CNIH3: variants seen among roughly 807,000 people sequenced by gnomAD.
CNIH3 encodes protein cornichon homolog 3.
A neutral mutation model predicts 24.1 loss-of-function variants in CNIH3; 14 were observed. That is an observed-to-expected ratio of 0.58 (90% CI 0.38 to 0.91). The LOEUF is 0.91. Among genes scored for constraint, CNIH3 ranks in the 40% least tolerant of loss-of-function variants. The probability of loss-of-function intolerance (pLI) is 0.00; values close to 1 mark genes in which losing one functional copy is unlikely to be tolerated. For synonymous variants in CNIH3, 68 were observed against 73.8 expected, an observed-to-expected ratio of 0.92 and a Z score of 0.40; for missense variants, 178 against 196.8, an observed-to-expected ratio of 0.90 and a Z score of 0.57.
chr1:224,714,433 A>G (rs1398035296), intron 3 of CNIH3, among the ~76,000 whole-genome samples: 3 of 152,138 alleles, frequency 2.0e-5, no homozygotes, highest in Non-Finnish European at 4.4e-5. Context: ...CAGAGACGAG[A>G]TGTGTGCTGG....
rs1267920713 is a variant in CNIH3, at chr1:224,730,447, C to T, written c.199-15C>T. On this transcript the variant is annotated splice_polypyrimidine_tract_variant and intron_variant, in intron 3 of 5. Transcript: ENST00000272133. The stretch of plus-strand genomic sequence containing the variant: ...CCTCCTCTAACTCAGGGCCGTGTCT[C>T]TGCTCCCTCTTCAGCTGGTGCTGCC... The T allele has an allele frequency of 6.6e-7, 1 of 1,520,948 alleles. No individual in the cohort carries two copies. Among genetic ancestry groups the T allele is most frequent in the Non-Finnish European group, 8.9e-7 (1 of 1,118,734 alleles). The allele number at this position is 1,520,948 out of a possible 1,614,324, so 94.2% of individuals were successfully genotyped here.
chr1:224,632,239 C>T (rs897117269), intron 1 of CNIH3, among the ~76,000 whole-genome samples: 5 of 152,148 alleles, frequency 3.3e-5, no homozygotes, highest in Admixed American at 6.5e-5. Flanking sequence ...GCTACATATC[C>T]GGGCCTCTAT....
chr1:224,640,545 TC>T (rs1428515453), intron 1 of CNIH3, among the ~76,000 whole-genome samples: 1 of 152,234 alleles, frequency 6.6e-6, no homozygotes, highest in Non-Finnish European at 1.5e-5. Context: ...TTTGTGTCTC[TC>T]CTTTTCTGCG....
chr1:224,734,242 T>A (rs1293970718), intron 4 of CNIH3, among the ~76,000 whole-genome samples: 1 of 152,258 alleles, frequency 6.6e-6, no homozygotes, highest in Non-Finnish European at 1.5e-5. Context: ...CCTTTACCTC[T>A]GCCTGCACTT....
At chr1:224,580,768 A>G (rs12042501) in intron 4 of CNIH3, among the ~76,000 whole-genome samples, 15,758 of 151,294 alleles carry the variant, frequency 0.1, 913 homozygotes, top group South Asian at 0.24. Flanking sequence ...CGGAGGTTGC[A>G]GTGGCCACAG....
Position 224,576,645 on chromosome 1 carries a change from G to A in CNIH3, n.517-6519G>A, listed in dbSNP as rs963766331. 9.2e-5 allele frequency among the ~76,000 whole-genome samples: 14 copies of A among 152,162 alleles called. 1 individual carries two copies. The South Asian group carries it at 2.3e-3, about 25-fold the overall frequency. Reference sequence around the variant, plus strand: ...ATGCTATTCACAACTGAGCCGTGTAGTATACTATGATTATTATTTCTTTCC... The same window carrying A: ...ATGCTATTCACAACTGAGCCGTGTAATATACTATGATTATTATTTCTTTCC... On this transcript the variant is annotated intron_variant and non_coding_transcript_variant, in intron 4 of 5. Transcript: ENST00000471578.
At chr1:224,621,949 A>G (rs1683303182) in intron 1 of CNIH3, among the ~76,000 whole-genome samples, 1 of 152,134 alleles carries the variant, frequency 6.6e-6, no homozygotes, top group African/African-American at 2.4e-5. Flanking sequence ...AATAAGTCTC[A>G]TGAGATCTGA....
chr1:224,542,767 G>A (rs2124951717), intron 2 of CNIH3, among the ~76,000 whole-genome samples: 1 of 152,270 alleles, frequency 6.6e-6, no homozygotes, highest in Admixed American at 6.5e-5. Context: ...CTCCACTCTT[G>A]CCTCTTCTCG....
intron 2 of CNIH3, among the ~76,000 whole-genome samples, chr1:224,525,715 T>G (rs1457126435): frequency 6.6e-6 from 1 of 152,108 alleles, no homozygotes; most frequent in Non-Finnish European, 1.5e-5. Context: ...TTAGATTCAG[T>G]CTGAGTCACA....
chr1:224,588,899 C>A (rs1681622268), downstream of CNIH3, among the ~76,000 whole-genome samples: 1 of 149,436 alleles, frequency 6.7e-6, no homozygotes, highest in African/African-American at 2.5e-5. Context: ...TTCAAAGTTT[C>A]TGTTCTTAAG....
intron 3 of CNIH3, among the ~76,000 whole-genome samples, chr1:224,697,689 C>T (rs116213259): frequency 1.3e-5 from 2 of 152,138 alleles, no homozygotes; most frequent in African/African-American, 2.4e-5. Context: ...TTTCAACCCC[C>T]AGAATGCTCA....
intron 3 of CNIH3, among the ~76,000 whole-genome samples, chr1:224,714,995 A>G (rs897035376): frequency 2.6e-5 from 4 of 152,312 alleles, no homozygotes; most frequent in East Asian, 1.9e-4. Context: ...CTCTCCACAT[A>G]AAATTGTGCT....
intron 1 of CNIH3, among the ~76,000 whole-genome samples, chr1:224,459,645 A>G (rs1173706141): frequency 2.0e-5 from 3 of 152,106 alleles, no homozygotes; most frequent in Non-Finnish European, 4.4e-5. Context: ...TTTCATAAGC[A>G]CATAGATAGT....
At chr1:224,670,386 A>G (rs1439848898) in intron 1 of CNIH3, among the ~76,000 whole-genome samples, 2 of 152,192 alleles carry the variant, frequency 1.3e-5, no homozygotes, top group African/African-American at 4.8e-5. Context: ...CTCCTCCTAC[A>G]GAGTCTAAGG....
At chr1:224,634,857 A>G (rs558812187) in intron 1 of CNIH3, among the ~76,000 whole-genome samples, 53 of 152,208 alleles carry the variant, frequency 3.5e-4, no homozygotes, top group African/African-American at 1.2e-3. Context: ...ACCACTTAAT[A>G]TGCCCCGCTG....
At chr1:224,718,899 C>T (rs2125218342) in intron 3 of CNIH3, 1 of 152,444 alleles carries the variant, frequency 6.6e-6, no homozygotes, top group Non-Finnish European at 1.5e-5. Flanking sequence ...TTCCCCACTA[C>T]CTGTAGCTCA....
At chr1:224,554,540 T>C (rs1230585886) in intron 3 of CNIH3, among the ~76,000 whole-genome samples, 1 of 152,082 alleles carries the variant, frequency 6.6e-6, no homozygotes, top group Non-Finnish European at 1.5e-5. Flanking sequence ...CTAAACAATA[T>C]AGTATTATAG....
rs1370568633 is a variant in CNIH3 at position 224,616,442 on chromosome 1, G to C, written c.-733G>C. The C allele has an allele frequency of 4.0e-6, 4 of 993,288 alleles. No homozygotes were observed. The highest frequency in any genetic ancestry group is 1.7e-5 in the African/African-American group (1 of 57,294). The allele number at this position is 993,288 out of a possible 1,614,324, so 61.5% of individuals were successfully genotyped here. A position where few individuals can be genotyped will look rare whatever the true frequency, so the allele number is the denominator to read the frequency against. On this transcript the variant is annotated 5_prime_UTR_variant, in exon 1 of 6. Transcript: ENST00000272133. The stretch of plus-strand genomic sequence containing the variant: ...GGAGTTGGCCCGTTGGGTGGAGCCA[G>C]TGCTCGCCCCGGTCCGACCCCCGGT...
At chr1:224,658,339 TA>T (rs1293202304) in intron 1 of CNIH3, among the ~76,000 whole-genome samples, 1 of 151,876 alleles carries the variant, frequency 6.6e-6, no homozygotes, top group Non-Finnish European at 1.5e-5. Flanking sequence ...CTAATTTTTA[TA>T]TTTTTTTTTT....
Sources: gnomAD v4.1 joint callset for allele counts (sites outside exome capture counted in the v4.1 genomes callset) on GRCh38, gnomAD v4.1.1 for gene constraint, MANE v1.5 for transcripts, NCBI Gene and HGNC (gene_info 2026-07-23, HGNC 2026-07-21) for gene names.